OR8B2: variants seen among roughly 807,000 people sequenced by gnomAD.
OR8B2 encodes olfactory receptor family 8 subfamily B member 2.
For synonymous variants in OR8B2, 98 were observed against 138.2 expected (o/e 0.71, Z 2.04); for missense variants, 304 against 379.6 (o/e 0.80, Z 1.65).
At chr11:124,393,408 A>G in the OR8B2 span, among the ~76,000 whole-genome samples, 1 of 148,434 alleles carries the variant, frequency 6.7e-6, no homozygotes, top group African/African-American at 2.6e-5. Context: ...ACTCAAACAA[A>G]TTTACAAGAA....
rs1316498943 is a variant in OR8B2 at position 124,382,781 on chromosome 11, G to A, written c.563C>T (p.Ser188Phe). The A allele has an allele frequency of 2.5e-6, 4 of 1,612,264 alleles. No homozygotes were observed. Among genetic ancestry groups the A allele is most frequent in the South Asian group, 1.1e-5 (1 of 91,012 alleles). ...LCDILPLLQL[S>F]CTSTYVNEVV... is the part of the protein sequence containing the mutation. ...CTCGTTGACATAGGTGCTGGTGCAGGAAAGCTGGAGGAGGGGGAGTATGTC... is the reference window on the plus strand; with the variant it reads ...CTCGTTGACATAGGTGCTGGTGCAGAAAAGCTGGAGGAGGGGGAGTATGTC... Residue 188 changes from serine to phenylalanine, a missense_variant, in exon 2 of 2, where the codon TCC (serine) becomes TTC (phenylalanine). By Grantham distance (155) the Ser-to-Phe change is radical (BLOSUM62 -2). Coordinates refer to ENST00000641451, the MANE Select transcript of OR8B2 (RefSeq NM_001005468.2).
chr11:124,390,581 G>T, the OR8B2 span, among the ~76,000 whole-genome samples: 2 of 152,060 alleles, frequency 1.3e-5, no homozygotes, highest in Non-Finnish European at 1.5e-5. Context: ...TATGTCATTT[G>T]AATCATTTGT....
At chr11:124,388,340 T>G (rs563064619), upstream of OR8B2, among the ~76,000 whole-genome samples, 7 of 151,864 alleles carry the variant, frequency 4.6e-5, no homozygotes, top group Admixed American at 4.6e-4. Context: ...CTTGTGCCAG[T>G]TTTCAAAGGG....
chr11:124,385,930 G>A (rs374907011), upstream of OR8B2, among the ~76,000 whole-genome samples: 53 of 152,102 alleles, frequency 3.5e-4, 1 homozygote, highest in East Asian at 9.3e-3. Flanking sequence ...CACCATGCCT[G>A]GCCTCTAATT....
chr11:124,395,256 C>G, the OR8B2 span, among the ~76,000 whole-genome samples: 1 of 151,688 alleles, frequency 6.6e-6, no homozygotes, highest in African/African-American at 2.4e-5. Flanking sequence ...AGAGTGAGAT[C>G]CTGTCTCAAA....
the OR8B2 span, chr11:124,397,152 G>A: frequency 5.0e-6 from 8 of 1,612,772 alleles, no homozygotes; most frequent in South Asian, 1.1e-5. Flanking sequence ...ATCAATGAAG[G>A]AGAGATTGAA....
chr11:124,390,049 C>T, the OR8B2 span, among the ~76,000 whole-genome samples: 4 of 152,074 alleles, frequency 2.6e-5, no homozygotes, highest in Non-Finnish European at 4.4e-5. Context: ...GTAGGATTGG[C>T]GCTTGAATTA....
Position 124,383,217 on chromosome 11 carries a change from G to A in OR8B2, c.127C>T (p.Leu43Phe). The A allele has an allele frequency of 6.2e-7, 1 of 1,613,978 alleles. No homozygotes were observed. The change falls in exon 2 of 2, where the codon CTT (leucine) becomes TTT (phenylalanine). Residue 43 changes from leucine (L) to phenylalanine (F), a missense_variant. By Grantham distance (22) the Leu-to-Phe change is conservative. Coordinates refer to ENST00000641451, the MANE Select transcript of OR8B2 (RefSeq NM_001005468.2). ...VIYIVTMVGN[L>F]GLITLFGLNS... ...AGACCGAAAAGAGTGATCAAGCCAA[G>A]GTTGCCTACCATGGTGACAATGTAG...
chr11:124,385,288 A>G (rs480798), upstream of OR8B2, among the ~76,000 whole-genome samples: 50,547 of 152,028 alleles, frequency 0.33, 8,538 homozygotes, highest in African/African-American at 0.41. Context: ...GTGAGAAGGC[A>G]TCTATATTTT....
At chr11:124,393,601 A>C in the OR8B2 span, among the ~76,000 whole-genome samples, 1 of 151,846 alleles carries the variant, frequency 6.6e-6, no homozygotes, top group South Asian at 2.1e-4. Context: ...ATCATTAAAA[A>C]GTCAGGAAAC....
the OR8B2 span, among the ~76,000 whole-genome samples, chr11:124,393,139 T>G: frequency 1.0e-3 from 145 of 144,614 alleles, no homozygotes; most frequent in African/African-American, 4.1e-3. Context: ...ACTTAAACAT[T>G]AGACCTAAAA....
At chr11:124,396,924 A>T in the OR8B2 span, 3 of 1,606,654 alleles carry the variant, frequency 1.9e-6, no homozygotes, top group Non-Finnish European at 1.7e-6. Flanking sequence ...AAAAGTGAGC[A>T]TAGAACAGAC....
the OR8B2 span, chr11:124,397,053 T>G: frequency 3.0e-5 from 48 of 1,613,748 alleles, no homozygotes; most frequent in Non-Finnish European, 3.5e-5. Flanking sequence ...GAAAAACAGC[T>G]GAGTCATGCA....
chr11:124,392,282 G>A, the OR8B2 span, among the ~76,000 whole-genome samples: 2 of 123,130 alleles, frequency 1.6e-5, no homozygotes, highest in Non-Finnish European at 3.3e-5. Flanking sequence ...GCAGGAGAAG[G>A]AAATAAAGGG....
intron 1 of OR8B2, among the ~76,000 whole-genome samples, chr11:124,383,914 A>G (rs1440336144): frequency 4.6e-5 from 7 of 152,190 alleles, no homozygotes; most frequent in Non-Finnish European, 7.3e-5. Context: ...CATACAAATC[A>G]CATAAGTGTT....
At chr11:124,397,198 T>G in the OR8B2 span, 17 of 1,610,784 alleles carry the variant, frequency 1.1e-5, no homozygotes, top group Non-Finnish European at 1.4e-5. Flanking sequence ...AGGTGAGAAT[T>G]TAGACCGAAA....
chr11:124,386,821 A>T (rs1044363669), upstream of OR8B2, among the ~76,000 whole-genome samples: 2 of 152,108 alleles, frequency 1.3e-5, no homozygotes, highest in African/African-American at 4.8e-5. Context: ...TAGATCCCTG[A>T]GGAATGGCCA....
At chr11:124,396,710 G>A in the OR8B2 span, 2 of 1,613,902 alleles carry the variant, frequency 1.2e-6, no homozygotes, top group Non-Finnish European at 1.7e-6. Context: ...AAGAAATGAG[G>A]ATGGTACAAC....
chr11:124,392,553 C>T, the OR8B2 span, among the ~76,000 whole-genome samples: 1 of 72,946 alleles, frequency 1.4e-5, no homozygotes, highest in Non-Finnish European at 2.5e-5. Flanking sequence ...ATCCACCTTG[C>T]AAGGGATGTG....
Sources: allele counts gnomAD v4.1 joint callset (sites outside exome capture counted in the v4.1 genomes callset), GRCh38; gene constraint gnomAD v4.1.1; transcripts MANE v1.5; gene names NCBI Gene and HGNC (gene_info 2026-07-23, HGNC 2026-07-21).